Variants in TNS1 observed in about 807,000 individuals in gnomAD.
The protein encoded by TNS1 is tensin-1.
Under a neutral mutation model 168.6 loss-of-function variants are expected in TNS1, and 62 were observed. The observed-to-expected ratio is 0.37, with a 90% CI of 0.30 to 0.45. The LOEUF (loss-of-function observed/expected upper bound fraction) is 0.45, where lower values mean the gene tolerates loss of function less well. Ranked by LOEUF, TNS1 falls within the 20% of genes least tolerant of loss-of-function variation. The pLI is 1.00. For missense variants in TNS1, 2,240 were observed against 2,339.4 expected, an observed-to-expected ratio of 0.96 and a Z score of 0.88; for synonymous variants, 934 against 933.2, an observed-to-expected ratio of 1.00 and a Z score of -0.02.
chr2:217,949,832 A>T (rs898145844), intron 3 of TNS1, among the ~76,000 whole-genome samples: 2 of 152,246 alleles, frequency 1.3e-5, no homozygotes, highest in Non-Finnish European at 2.9e-5. Context: ...ATGAGCCAGA[A>T]TTAGCAAGGG....
chr2:217,849,208 C>A, intron 18 of TNS1, 121 bp from the exon 19 acceptor site: 2 of 1,188,606 alleles, frequency 1.7e-6, no homozygotes, highest in Non-Finnish European at 2.3e-6. Context: ...CCTAAAACCT[C>A]CTCTCACCAC....
At chr2:217,805,581 CACA>C (rs1938683615) in intron 32 of TNS1, among the ~76,000 whole-genome samples, 5 of 192 alleles carry the variant, frequency 0.026, no homozygotes, top group Admixed American at 0.071. Context: ...ACACCACACA[CACA>C]ACACACACCA....
intron 4 of TNS1, among the ~76,000 whole-genome samples, chr2:217,913,664 G>A (rs1334154870): frequency 1.3e-5 from 2 of 152,078 alleles, no homozygotes; most frequent in Admixed American, 6.6e-5. Flanking sequence ...CCCACTCAGG[G>A]ACCCAGGATA....
At chr2:217,913,841 C>T (rs899259486) in intron 4 of TNS1, among the ~76,000 whole-genome samples, 1 of 152,134 alleles carries the variant, frequency 6.6e-6, no homozygotes, top group Non-Finnish European at 1.5e-5. Flanking sequence ...CACGCTCATC[C>T]CTGCCCCCAT....
chr2:217,818,506 G>A lies in TNS1; in HGVS notation c.3826C>T (p.His1276Tyr). The change falls in exon 24 of 33, where the codon CAC (histidine) becomes TAC (tyrosine). Residue 1276 changes from histidine (H) to tyrosine (Y), a missense_variant. By Grantham distance (83) the His-to-Tyr change is moderately conservative. This residue lies in a region of TNS1 where 2,131 missense variants were observed against 2,171.2 expected (regional missense o/e 0.98). Coordinates refer to ENST00000682258, the MANE Select transcript of TNS1 (RefSeq NM_001387777.1). ...ARAQFSVAGV[H>Y]TVPGSPQARH... ...GCCTGAGGGCTCCCAGGCACCGTGT[G>A]GACGCCAGCCACACTGAACTGAGCT... is the stretch of plus-strand genomic sequence containing the variant. 2 of 1,614,234 alleles carry A rather than the reference G, an allele frequency of 1.2e-6. No individual in the cohort carries two copies. Among genetic ancestry groups the A allele is most frequent in the South Asian group, 2.2e-5 (2 of 91,090 alleles).
At chr2:217,822,464 G>A (rs1943019921) in intron 22 of TNS1, among the ~76,000 whole-genome samples, 1 of 152,120 alleles carries the variant, frequency 6.6e-6, no homozygotes, top group Non-Finnish European at 1.5e-5. Flanking sequence ...CTTGCCCTGT[G>A]GGGCTGCTGT....
intron 16 of TNS1, among the ~76,000 whole-genome samples, chr2:217,883,523 C>T (rs1332058919): frequency 6.6e-6 from 1 of 152,186 alleles, no homozygotes; most frequent in Non-Finnish European, 1.5e-5. Flanking sequence ...CCTTGGCCTC[C>T]CAAAGTGCTG....
chr2:217,889,677 C>T (rs1329338224), intron 12 of TNS1, among the ~76,000 whole-genome samples: 1 of 152,238 alleles, frequency 6.6e-6, no homozygotes. Flanking sequence ...GCTCTCATGA[C>T]TATCTGAATT....
rs1029764789 is a variant in TNS1, at chr2:217,800,952, AG to A, written c.*3506del. ...CACTAACCTCCTGAGAGCCGTTTAT[AG>A]GGGGATCACACTTGTCCAGGAGGGC... On this transcript the variant is annotated 3_prime_UTR_variant, in exon 33 of 33. Coordinates refer to ENST00000682258, the MANE Select transcript of TNS1 (RefSeq NM_001387777.1). 6.6e-6 allele frequency: 1 copy of A among 152,142 alleles called. No individual in the cohort carries two copies. Among genetic ancestry groups the A allele is most frequent in the African/African-American group, 2.4e-5 (1 of 41,440 alleles). 9.4% of individuals were successfully genotyped at this position (152,142 alleles called of 1,614,324 possible).
upstream of TNS1, among the ~76,000 whole-genome samples, chr2:218,005,692 A>G (rs1958651823): frequency 6.6e-6 from 1 of 152,204 alleles, no homozygotes; most frequent in Non-Finnish European, 1.5e-5. Flanking sequence ...GGCACCAGAC[A>G]TGGTTGAAGA....
intron 6 of TNS1, among the ~76,000 whole-genome samples, chr2:217,906,130 G>C (rs1057172884): frequency 2.0e-5 from 3 of 152,170 alleles, no homozygotes; most frequent in Admixed American, 1.3e-4. Context: ...TGATGAATGA[G>C]CTCTGGATCT....
At chr2:217,809,540 CATGG>C (rs1172756448) in intron 30 of TNS1, among the ~76,000 whole-genome samples, 3 of 10,552 alleles carry the variant, frequency 2.8e-4, no homozygotes, top group African/African-American at 6.1e-4. Context: ...TGGATGGATG[CATGG>C]ATGGATGGAT....
At position 217,810,318 on chromosome 2, in the gene TNS1, G is replaced by C; in HGVS notation, c.5034C>G (p.Asp1678Glu). 1 of 1,614,160 alleles carries C rather than the reference G, an allele frequency of 6.2e-7. No individual in the cohort carries two copies. The highest frequency in any genetic ancestry group is 8.5e-7 in the Non-Finnish European group (1 of 1,180,024). ...LPCKLVIPNR[D>E]PTDESKDSSG... ...AGCTATCTTTCGATTCATCTGTGGG[G>C]TCTAAGACAAAAATTCAGTAGGAAT... The change falls in exon 29 of 33, where the codon GAC (aspartate) becomes GAG (glutamate). Residue 1678 changes from aspartate (D) to glutamate (E), a missense_variant and splice_region_variant. Asp to Glu is a conservative substitution (Grantham distance 45, BLOSUM62 2). This residue lies in a region of TNS1 where 2,131 missense variants were observed against 2,171.2 expected (regional missense o/e 0.98). Transcript: ENST00000682258.
At chr2:217,969,291 T>C (rs1460632150) in intron 3 of TNS1, among the ~76,000 whole-genome samples, 1 of 152,210 alleles carries the variant, frequency 6.6e-6, no homozygotes, top group East Asian at 1.9e-4. Context: ...AGCATTTACC[T>C]TACTTCACAT....
intron 1 of TNS1, among the ~76,000 whole-genome samples, chr2:218,019,522 AAGG>A (rs1183203229): frequency 2.1e-4 from 32 of 152,324 alleles, no homozygotes; most frequent in African/African-American, 7.0e-4. Flanking sequence ...CTTGGGCACC[AAGG>A]AGGAGGACTC....
intron 3 of TNS1, among the ~76,000 whole-genome samples, chr2:217,950,877 A>C (rs994205045): frequency 6.6e-6 from 1 of 151,328 alleles, no homozygotes; most frequent in Non-Finnish European, 1.5e-5. Flanking sequence ...CCCCGAGCCC[A>C]TCCTCCAGGG....
intron 8 of TNS1, among the ~76,000 whole-genome samples, chr2:217,896,373 T>C (rs556971987): frequency 6.5e-4 from 99 of 152,320 alleles, no homozygotes; most frequent in African/African-American, 2.2e-3. Flanking sequence ...AGGATCTCAA[T>C]ATGACATCAA....
intron 22 of TNS1, among the ~76,000 whole-genome samples, chr2:217,826,122 C>T (rs1943579417): frequency 6.6e-6 from 1 of 152,188 alleles, no homozygotes; most frequent in African/African-American, 2.4e-5. Context: ...TCTGCCCTCC[C>T]ACTGCCACCC....
At chr2:217,894,686 G>A (rs991567190) in intron 9 of TNS1, among the ~76,000 whole-genome samples, 5 of 151,854 alleles carry the variant, frequency 3.3e-5, no homozygotes, top group Admixed American at 6.6e-5. Context: ...CAAAAAAACC[G>A]GCAGCTGGAA....
Sources: allele counts gnomAD v4.1 joint callset (sites outside exome capture counted in the v4.1 genomes callset), GRCh38; gene constraint gnomAD v4.1.1; regional missense constraint gnomAD v4.1.1; transcripts MANE v1.5; gene names NCBI Gene and HGNC (gene_info 2026-07-23, HGNC 2026-07-21).